The following MEI1 variants were observed in gnomAD, a reference collection of about 807,000 sequenced individuals.
The protein encoded by MEI1 is meiosis inhibitor protein 1.
Under a neutral mutation model 146.2 loss-of-function variants are expected in MEI1, and 103 were observed. That is an observed-to-expected ratio of 0.70 (90% CI 0.60 to 0.83). The LOEUF is 0.83. Ranked by LOEUF, MEI1 falls within the 40% of genes least tolerant of loss-of-function variation. The probability of loss-of-function intolerance (pLI) is 0.00; values close to 1 mark genes in which losing one functional copy is unlikely to be tolerated. For synonymous variants in MEI1, 652 were observed against 628.2 expected (o/e 1.04, Z -0.57); for missense variants, 1,529 against 1,533.0 (o/e 1.00, Z 0.04).
intron 5 of MEI1, among the ~76,000 whole-genome samples, chr22:41,717,208 G>C (rs1225300717): frequency 1.3e-5 from 2 of 152,068 alleles, no homozygotes; most frequent in Non-Finnish European, 2.9e-5. Context: ...ACAGAACCGG[G>C]CTACAGCGCA....
Position 41,730,641 on chromosome 22 carries a change from G to A in MEI1, c.1096+4G>A, listed in dbSNP as rs373604685. On this transcript the variant is annotated splice_donor_region_variant and intron_variant, in intron 9 of 30. Coordinates refer to ENST00000401548, the MANE Select transcript of MEI1 (RefSeq NM_152513.4). The stretch of plus-strand genomic sequence containing the variant: ...TCCAAGTGCCACACGGTGTATGGTT[G>A]GTAGTAAGGGTCCTGTACTAGCTTT... 76 of 1,597,076 alleles carry A rather than the reference G, an allele frequency of 4.8e-5. No homozygotes were observed. The highest frequency in any genetic ancestry group is 6.4e-5 in the Non-Finnish European group (74 of 1,164,718).
intron 18 of MEI1, among the ~76,000 whole-genome samples, chr22:41,760,296 A>G (rs1167566311): frequency 6.7e-6 from 1 of 149,378 alleles, no homozygotes; most frequent in African/African-American, 2.5e-5. Flanking sequence ...GGCGACAGAG[A>G]GAGACTCTGT....
At position 41,723,930 on chromosome 22, in the gene MEI1, C is replaced by T; in HGVS notation, c.734-13C>T. On this transcript the variant is annotated splice_polypyrimidine_tract_variant and intron_variant, in intron 6 of 30. Transcript: ENST00000401548. ...TTCCTCTTGCCTTACTTCCCAATCC[C>T]TTTGTTTCCTAGGTTTGCTGAGGCA... is the stretch of plus-strand genomic sequence containing the variant. The T allele has an allele frequency of 1.9e-6, 3 of 1,584,356 alleles. No individual in the cohort carries two copies. The highest frequency in any genetic ancestry group is 2.6e-6 in the Non-Finnish European group (3 of 1,164,832).
intron 20 of MEI1, among the ~76,000 whole-genome samples, chr22:41,775,840 C>T (rs997338428): frequency 4.6e-5 from 7 of 152,046 alleles, no homozygotes; most frequent in Non-Finnish European, 8.8e-5. Context: ...GTGATCCACC[C>T]GCCTTGGCCT....
At chr22:41,749,707 A>G (rs972045164) in intron 15 of MEI1, among the ~76,000 whole-genome samples, 21 of 152,210 alleles carry the variant, frequency 1.4e-4, no homozygotes, top group African/African-American at 5.1e-4. Context: ...GATTGGAGGC[A>G]TGTATCTCAG....
chr22:41,754,152 T>G (rs577221635), intron 17 of MEI1, 106 bp downstream of exon 17: 12 of 803,730 alleles, frequency 1.5e-5, no homozygotes, highest in Non-Finnish European at 2.5e-5. Context: ...CGAGATTTCT[T>G]TGCCTGAGGC....
Position 41,770,958 on chromosome 22 carries a change from G to A in MEI1, c.2541G>A (p.Leu847=). 1 of 1,612,444 alleles carries A rather than the reference G, an allele frequency of 6.2e-7. No individual in the cohort carries two copies. Among genetic ancestry groups the A allele is most frequent in the Non-Finnish European group, 8.5e-7 (1 of 1,178,978 alleles). Residue 847 remains leucine, a synonymous_variant, in exon 20 of 31, where the codon TTG becomes TTA. Coordinates refer to ENST00000401548, the MANE Select transcript of MEI1 (RefSeq NM_152513.4). ...GCATCCCCAGCATCCTGCTCATCTT[G>A]CTGGTAGGCAACCACTCATTCATTT... The part of the protein sequence containing the change: ...LRSIPSILLI[L]LDLIYSSPVD...
chr22:41,759,876 A>T (rs1373173181), intron 18 of MEI1, among the ~76,000 whole-genome samples: 2 of 152,110 alleles, frequency 1.3e-5, no homozygotes, highest in Admixed American at 6.6e-5. Context: ...CTTAAGCCGT[A>T]AGAAATAATT....
chr22:41,749,487 C>G (rs941919306), intron 15 of MEI1, among the ~76,000 whole-genome samples: 3 of 152,042 alleles, frequency 2.0e-5, no homozygotes, highest in Non-Finnish European at 4.4e-5. Context: ...GTTGGCCAGG[C>G]TGGTCTCAAA....
chr22:41,714,638 A>G (rs369782078), intron 4 of MEI1, among the ~76,000 whole-genome samples: 1 of 151,796 alleles, frequency 6.6e-6, no homozygotes, highest in African/African-American at 2.4e-5. Flanking sequence ...TGGGAGGCTG[A>G]GGTGGGTGGA....
intron 7 of MEI1, among the ~76,000 whole-genome samples, chr22:41,725,274 G>A (rs2011053): frequency 0.64 from 96,872 of 151,686 alleles, 34,053 homozygotes; most frequent in East Asian, 0.92. Flanking sequence ...CACCATGCCC[G>A]GCTAATTTTT....
chr22:41,717,911 C>T (rs1426133795), intron 5 of MEI1, among the ~76,000 whole-genome samples, 160 bp from the exon 6 acceptor site: 2 of 152,030 alleles, frequency 1.3e-5, no homozygotes, highest in Admixed American at 1.3e-4. Flanking sequence ...TTACTGTGCC[C>T]AGTTTGGTTT....
At chr22:41,735,645 T>G (rs932389742) in intron 11 of MEI1, among the ~76,000 whole-genome samples, 1 of 152,240 alleles carries the variant, frequency 6.6e-6, no homozygotes, top group Admixed American at 6.5e-5. Flanking sequence ...CAAAGTGTTA[T>G]GTTATCATGT....
intron 19 of MEI1, among the ~76,000 whole-genome samples, chr22:41,763,785 C>A (rs116626749): frequency 0.012 from 1,835 of 151,498 alleles, 37 homozygotes; most frequent in African/African-American, 0.04. Context: ...TAAAAAAAAA[C>A]AACAACTCTT....
Position 41,795,742 on chromosome 22 carries a change from G to A in MEI1, c.3674G>A (p.Ser1225Asn), listed in dbSNP as rs2148266341. The change falls in exon 30 of 31, where the codon AGC (serine) becomes AAC (asparagine). Residue 1225 changes from serine to asparagine, a missense_variant. Around this residue, in one of 3 missense-constraint regions of MEI1, gnomAD observed 313 missense variants for 337.3 expected, o/e 0.93. Transcript: ENST00000401548. This position sits in a 1 kb window ranked among gnomAD's most constrained non-coding sequence, Gnocchi z 4.2. ...GCCCTCTTCTCCCTGCAGCTCCAGAGCATGGGACACCTGGCTGACCACAGC... is the reference window on the plus strand; with the variant it reads ...GCCCTCTTCTCCCTGCAGCTCCAGAACATGGGACACCTGGCTGACCACAGC... ...ALHGFFQQLQ[S>N]MGHLADHSMA... 6.2e-7 allele frequency: 1 copy of A among 1,613,538 alleles called. No individual in the cohort carries two copies. The highest frequency in any genetic ancestry group is 2.2e-5 in the East Asian group (1 of 44,884).
At chr22:41,749,662 T>A (rs1215105977) in intron 15 of MEI1, among the ~76,000 whole-genome samples, 1 of 152,220 alleles carries the variant, frequency 6.6e-6, no homozygotes, top group African/African-American at 2.4e-5. Flanking sequence ...AAGATCTTTC[T>A]TGGAGCAGTG....
At chr22:41,739,004 A>C (rs2072631372) in intron 11 of MEI1, among the ~76,000 whole-genome samples, 1 of 151,854 alleles carries the variant, frequency 6.6e-6, no homozygotes, top group African/African-American at 2.4e-5. Flanking sequence ...TTTATCATGA[A>C]AAGGAATAGG....
intron 24 of MEI1, among the ~76,000 whole-genome samples, chr22:41,782,621 G>A (rs1375607080): frequency 1.3e-5 from 2 of 152,236 alleles, no homozygotes; most frequent in Non-Finnish European, 2.9e-5. Context: ...TGGGCACACA[G>A]AAGTGACATG....
intron 19 of MEI1, among the ~76,000 whole-genome samples, chr22:41,768,846 G>T (rs2075010119): frequency 6.6e-6 from 1 of 152,146 alleles, no homozygotes; most frequent in Non-Finnish European, 1.5e-5. Context: ...CATGAGATTT[G>T]GGCGGGGACA....
Sources: allele counts gnomAD v4.1 joint callset (sites outside exome capture counted in the v4.1 genomes callset), GRCh38; gene constraint gnomAD v4.1.1; regional missense constraint gnomAD v4.1.1; non-coding constraint Gnocchi (gnomAD v3.1); transcripts MANE v1.5; gene names NCBI Gene and HGNC (gene_info 2026-07-23, HGNC 2026-07-21).